Variants in PARN observed in about 807,000 individuals in gnomAD.
PARN encodes poly(A)-specific ribonuclease.
In PARN, 71 loss-of-function variants were observed where a neutral mutation model predicts 102.8. The observed-to-expected ratio is 0.69, with a 90% CI of 0.57 to 0.84. The LOEUF (loss-of-function observed/expected upper bound fraction) is 0.84. Among genes scored for constraint, PARN ranks in the 40% least tolerant of loss-of-function variants. PARN has a pLI of 0.00. For synonymous variants in PARN, 261 were observed against 252.9 expected (o/e 1.03, Z -0.30); for missense variants, 782 against 760.9 (o/e 1.03, Z -0.33).
At chr16:14,444,402 A>T (rs1158135138) in intron 23 of PARN, among the ~76,000 whole-genome samples, 1 of 151,980 alleles carries the variant, frequency 6.6e-6, no homozygotes, top group Non-Finnish European at 1.5e-5. Context: ...TGTCAATGGG[A>T]GGAAAAAAAC....
intron 22 of PARN, among the ~76,000 whole-genome samples, chr16:14,452,454 C>T (rs1473908449): frequency 4.6e-5 from 7 of 152,296 alleles, no homozygotes; most frequent in Non-Finnish European, 4.4e-5. Context: ...TACACTGTAA[C>T]CTCCATCTCC....
At chr16:14,628,380 C>A in intron 2 of PARN, 129 bp from the exon 3 acceptor site, 1 of 608,194 alleles carries the variant, frequency 1.6e-6, no homozygotes, top group Non-Finnish European at 2.9e-6. Context: ...CCCTAACTTA[C>A]TTTTTTAAAA....
intron 5 of PARN, among the ~76,000 whole-genome samples, chr16:14,618,840 A>C (rs1047266205): frequency 2.0e-5 from 3 of 152,116 alleles, no homozygotes; most frequent in African/African-American, 7.2e-5. Context: ...TAAGACACTG[A>C]CATCCACCTC....
intron 22 of PARN, among the ~76,000 whole-genome samples, chr16:14,473,361 T>C (rs1024435255): frequency 2.6e-5 from 4 of 152,156 alleles, no homozygotes; most frequent in African/African-American, 9.7e-5. Flanking sequence ...AAGATCTACA[T>C]TGAATTTGCC....
rs1224210458 is a variant in PARN at position 14,533,010 on chromosome 16, T to C, written c.1480+19011A>G. On this transcript the variant is annotated intron_variant, in intron 21 of 23. Coordinates refer to ENST00000437198, the MANE Select transcript of PARN (RefSeq NM_002582.4). The stretch of plus-strand genomic sequence containing the variant: ...CTCACTTCCCAGAAGGGGTGGCGGC[T>C]GGGCAGAGGCTGCAATCTCAGCACT... 3.9e-5 allele frequency among the ~76,000 whole-genome samples: 6 copies of C among 152,136 alleles called. No homozygotes were observed. In the South Asian group the frequency reaches 6.2e-4, roughly 16 times the overall value.
At chr16:14,584,999 G>T (rs950272082) in intron 14 of PARN, among the ~76,000 whole-genome samples, 1 of 152,188 alleles carries the variant, frequency 6.6e-6, no homozygotes, top group Admixed American at 6.5e-5. Context: ...TGCTACGTTG[G>T]AGTAGGTACT....
At chr16:14,489,734 T>C (rs184653440) in intron 21 of PARN, among the ~76,000 whole-genome samples, 1 of 152,202 alleles carries the variant, frequency 6.6e-6, no homozygotes, top group East Asian at 1.9e-4. Flanking sequence ...AGCAACTGTT[T>C]GTGGGTGGGG....
At chr16:14,440,349 A>G (rs1432167338) in intron 23 of PARN, among the ~76,000 whole-genome samples, 1 of 152,228 alleles carries the variant, frequency 6.6e-6, no homozygotes, top group African/African-American at 2.4e-5. Context: ...GTGTGTATCA[A>G]TATCAAGTAC....
Position 14,625,439 on chromosome 16 carries a change from G to C in PARN, c.327+1667C>G, listed in dbSNP as rs374790239. 1.2e-4 allele frequency among the ~76,000 whole-genome samples: 18 copies of C among 152,280 alleles called. No homozygotes were observed. The East Asian group carries it at 3.1e-3, about 26-fold the overall frequency. On this transcript the variant is annotated intron_variant, in intron 5 of 23. Coordinates refer to ENST00000437198, the MANE Select transcript of PARN (RefSeq NM_002582.4). ...TTCCACCCAGGAGGCAGAGGTTACAGTGAGCCTAGATCATGCCATCACACT... is the reference window on the plus strand; with the variant it reads ...TTCCACCCAGGAGGCAGAGGTTACACTGAGCCTAGATCATGCCATCACACT...
At chr16:14,471,604 A>G (rs1415507655) in intron 22 of PARN, among the ~76,000 whole-genome samples, 1 of 152,154 alleles carries the variant, frequency 6.6e-6, no homozygotes, top group African/African-American at 2.4e-5. Flanking sequence ...GTCCACTCAC[A>G]CTGCTGGGCA....
chr16:14,547,748 A>C (rs1375804837), intron 21 of PARN, among the ~76,000 whole-genome samples: 2 of 152,182 alleles, frequency 1.3e-5, no homozygotes, highest in African/African-American at 4.8e-5. Flanking sequence ...ATCTTGATTA[A>C]AATTAGTAAT....
intron 11 of PARN, 93 bp downstream of exon 11, chr16:14,604,053 A>T (rs1971034469): frequency 2.4e-6 from 2 of 818,182 alleles, no homozygotes; most frequent in Non-Finnish European, 4.1e-6. Flanking sequence ...TATTCATTAA[A>T]TTGAATCCAA....
intron 5 of PARN, among the ~76,000 whole-genome samples, chr16:14,626,382 C>A (rs1481859539): frequency 1.3e-5 from 2 of 152,112 alleles, no homozygotes; most frequent in Non-Finnish European, 2.9e-5. Context: ...CTCCTGAGCT[C>A]AAGTGATTCT....
At chr16:14,510,633 GAC>G (rs1965138125) in intron 21 of PARN, among the ~76,000 whole-genome samples, 1 of 152,158 alleles carries the variant, frequency 6.6e-6, no homozygotes, top group African/African-American at 2.4e-5. Context: ...CTTTTAGCTG[GAC>G]TTAGTTTCTT....
At chr16:14,609,843 C>T (rs986397497) in intron 7 of PARN, among the ~76,000 whole-genome samples, 1 of 152,224 alleles carries the variant, frequency 6.6e-6, no homozygotes, top group African/African-American at 2.4e-5. Flanking sequence ...ACTCCTCTGC[C>T]TTCAAGGACA....
At chr16:14,525,370 T>G (rs867662245) in intron 21 of PARN, among the ~76,000 whole-genome samples, 2 of 152,142 alleles carry the variant, frequency 1.3e-5, no homozygotes, top group East Asian at 3.8e-4. Flanking sequence ...TTTGTAACCC[T>G]CAATGCAGCG....
chr16:14,561,258 T>C (rs1224119780), intron 18 of PARN, among the ~76,000 whole-genome samples: 3 of 151,830 alleles, frequency 2.0e-5, no homozygotes, highest in Non-Finnish European at 4.4e-5. Context: ...GATATATAAC[T>C]CTAGAATATA....
At chr16:14,576,558 A>T (rs1969154360) in intron 18 of PARN, among the ~76,000 whole-genome samples, 1 of 152,244 alleles carries the variant, frequency 6.6e-6, no homozygotes, top group African/African-American at 2.4e-5. Context: ...GAGCATTTTT[A>T]GCTCTTAGAT....
intron 21 of PARN, among the ~76,000 whole-genome samples, chr16:14,548,139 T>C (rs1442466618): frequency 6.6e-6 from 1 of 151,590 alleles, no homozygotes; most frequent in African/African-American, 2.4e-5. Context: ...TCCCAGCTAC[T>C]CGGGAGGCTG....
Sources: allele counts gnomAD v4.1 joint callset (sites outside exome capture counted in the v4.1 genomes callset), GRCh38; gene constraint gnomAD v4.1.1; transcripts MANE v1.5; gene names NCBI Gene and HGNC (gene_info 2026-07-23, HGNC 2026-07-21).